The following ADAMTSL1 variants were observed in gnomAD, a reference collection of about 807,000 sequenced individuals.
ADAMTSL1 encodes ADAMTS like 1, also known as ADAMTS-like protein 1.
ADAMTSL1 carries 126 observed loss-of-function variants against 201.8 expected under a neutral mutation model. The ratio of observed to expected loss-of-function variants is 0.62; its 90% CI spans 0.54 to 0.72. The LOEUF is 0.72. ADAMTSL1 is among the 30% of genes least tolerant of loss of function. The pLI is 0.00. For missense variants in ADAMTSL1, 2,679 were observed against 2,277.8 expected, an observed-to-expected ratio of 1.18 and a Z score of -3.59; for synonymous variants, 1,121 against 903.4, an observed-to-expected ratio of 1.24 and a Z score of -4.32.
At chr9:18,111,751 G>T (rs954906430) in intron 1 of ADAMTSL1, among the ~76,000 whole-genome samples, 3 of 152,038 alleles carry the variant, frequency 2.0e-5, no homozygotes, top group Non-Finnish European at 4.4e-5. Flanking sequence ...TAAGAAGTTG[G>T]GGTCACGGTT....
chr9:18,321,106 A>C (rs935413437), intron 2 of ADAMTSL1, among the ~76,000 whole-genome samples: 1 of 152,184 alleles, frequency 6.6e-6, no homozygotes, highest in Non-Finnish European at 1.5e-5. Flanking sequence ...TTTTAAGTAA[A>C]AGGATGGAAA....
chr9:18,719,729 C>G (rs988267027), intron 14 of ADAMTSL1, among the ~76,000 whole-genome samples: 1 of 152,098 alleles, frequency 6.6e-6, no homozygotes, highest in African/African-American at 2.4e-5. Flanking sequence ...GTGATTTGGA[C>G]TCCAGCTGAG....
chr9:18,218,782 C>T (rs1291223590), intron 2 of ADAMTSL1, among the ~76,000 whole-genome samples: 1 of 151,940 alleles, frequency 6.6e-6, no homozygotes, highest in African/African-American at 2.4e-5. Flanking sequence ...ATTTGTCAAT[C>T]TTTGCATAAT....
chr9:18,308,397 A>G (rs1833989831), intron 2 of ADAMTSL1, among the ~76,000 whole-genome samples: 1 of 152,192 alleles, frequency 6.6e-6, no homozygotes, highest in Non-Finnish European at 1.5e-5. Context: ...AAATCAATGA[A>G]TCCAGGAGCT....
At chr9:18,905,982 T>G in intron 27 of ADAMTSL1, 91 bp downstream of exon 27, 1 of 1,171,222 alleles carries the variant, frequency 8.5e-7, no homozygotes, top group Non-Finnish European at 1.2e-6. Context: ...CCAACTAACT[T>G]ACCACAGTCC....
chr9:18,095,861 C>G (rs143240568), intron 1 of ADAMTSL1, among the ~76,000 whole-genome samples: 2 of 152,306 alleles, frequency 1.3e-5, no homozygotes, highest in East Asian at 3.9e-4. Context: ...AGATCCAAAT[C>G]TGAGAGTCAG....
chr9:18,631,595 T>C (rs1256071345), intron 5 of ADAMTSL1, among the ~76,000 whole-genome samples: 1 of 152,194 alleles, frequency 6.6e-6, no homozygotes, highest in African/African-American at 2.4e-5. Context: ...TAAACTCAGA[T>C]ATCAGAATAG....
intron 1 of ADAMTSL1, among the ~76,000 whole-genome samples, chr9:17,922,140 A>C (rs1376938296): frequency 6.6e-6 from 1 of 150,516 alleles, no homozygotes; most frequent in African/African-American, 2.4e-5. Flanking sequence ...AATGGGAAAT[A>C]ATTTTTGAAT....
chr9:18,701,753 C>T (rs977776536), intron 13 of ADAMTSL1, among the ~76,000 whole-genome samples: 4 of 152,094 alleles, frequency 2.6e-5, no homozygotes, highest in Non-Finnish European at 4.4e-5. Context: ...TAAATTAGGG[C>T]ATGAAACTAG....
intron 4 of ADAMTSL1, among the ~76,000 whole-genome samples, chr9:18,595,999 G>A (rs773020996): frequency 6.6e-6 from 1 of 152,180 alleles, no homozygotes; most frequent in African/African-American, 2.4e-5. Flanking sequence ...GATAGGTGCA[G>A]AATTGTTGTT....
chr9:18,451,098 T>C (rs143767724), intron 2 of ADAMTSL1, among the ~76,000 whole-genome samples: 10 of 152,292 alleles, frequency 6.6e-5, no homozygotes, highest in East Asian at 1.9e-4. Flanking sequence ...AGAAGGGGGA[T>C]TGGGATAGGA....
intron 2 of ADAMTSL1, among the ~76,000 whole-genome samples, chr9:18,267,781 C>CAACA: frequency 7.2e-6 from 1 of 138,680 alleles, no homozygotes; most frequent in East Asian, 2.1e-4. Flanking sequence ...AAAACAAAAA[C>CAACA]AAAAACAAAA....
chr9:18,097,926 T>C (rs866962750), intron 1 of ADAMTSL1, among the ~76,000 whole-genome samples: 1 of 152,064 alleles, frequency 6.6e-6, no homozygotes, highest in Non-Finnish European at 1.5e-5. Flanking sequence ...TGAGGATTTT[T>C]TCCTATGCTT....
chr9:18,882,479 A>G (rs1828590533), intron 23 of ADAMTSL1, among the ~76,000 whole-genome samples: 1 of 152,224 alleles, frequency 6.6e-6, no homozygotes, highest in Non-Finnish European at 1.5e-5. Flanking sequence ...TTTTATTGGA[A>G]AATGGAACGA....
At chr9:18,603,969 C>T (rs527981111) in intron 4 of ADAMTSL1, among the ~76,000 whole-genome samples, 126 of 152,280 alleles carry the variant, frequency 8.3e-4, no homozygotes, top group Non-Finnish European at 1.5e-3. Context: ...GGTGCTCAGT[C>T]GCAGATGGAA....
chr9:17,920,966 T>G (rs1826276508), intron 1 of ADAMTSL1, among the ~76,000 whole-genome samples: 1 of 152,244 alleles, frequency 6.6e-6, no homozygotes, highest in Admixed American at 6.5e-5. Context: ...GTGGGTTATT[T>G]AAATTCACCA....
At chr9:18,882,182 T>C (rs370010617) in intron 23 of ADAMTSL1, among the ~76,000 whole-genome samples, 11 of 152,320 alleles carry the variant, frequency 7.2e-5, no homozygotes, top group Admixed American at 5.9e-4. Context: ...CTAAGGCAGT[T>C]GGGAAAATGA....
At chr9:18,823,501 G>A (rs1022407182) in intron 21 of ADAMTSL1, among the ~76,000 whole-genome samples, 1 of 152,114 alleles carries the variant, frequency 6.6e-6, no homozygotes, top group Admixed American at 6.5e-5. Context: ...ATAGCTCCCA[G>A]GTCTGCTTCC....
intron 2 of ADAMTSL1, among the ~76,000 whole-genome samples, chr9:18,345,171 C>G (rs1563901188): frequency 6.6e-6 from 1 of 152,010 alleles, no homozygotes; most frequent in Non-Finnish European, 1.5e-5. Flanking sequence ...ATAAGTCAGA[C>G]AACATATTGG....
Sources: allele counts gnomAD v4.1 joint callset (sites outside exome capture counted in the v4.1 genomes callset), GRCh38; gene constraint gnomAD v4.1.1; transcripts MANE v1.5; gene names NCBI Gene and HGNC (gene_info 2026-07-23, HGNC 2026-07-21).